WDFY3: variants seen among roughly 807,000 people sequenced by gnomAD.
WDFY3 encodes the protein WD repeat and FYVE domain-containing protein 3.
In WDFY3, 66 loss-of-function variants were observed where a neutral mutation model predicts 409.6. The observed-to-expected ratio is 0.16, with a 90% confidence interval of 0.13 to 0.20. The LOEUF is 0.20. Ranked by LOEUF, WDFY3 falls within the 10% of genes least tolerant of loss-of-function variation. The probability of loss-of-function intolerance (pLI) is 1.00; values close to 1 mark genes in which losing one functional copy is unlikely to be tolerated. For synonymous variants in WDFY3, 1,521 were observed against 1,537.1 expected (o/e 0.99, Z 0.25); for missense variants, 3,031 against 4,298.1 (o/e 0.71, Z 8.24).
intron 5 of WDFY3, among the ~76,000 whole-genome samples, chr4:84,849,035 C>T (rs939770525): frequency 3.9e-5 from 6 of 152,032 alleles, no homozygotes; most frequent in Admixed American, 1.3e-4. Context: ...CAGGGTATGT[C>T]TAAAACAACA....
intron 5 of WDFY3, among the ~76,000 whole-genome samples, chr4:84,848,829 T>C (rs772863804): frequency 2.0e-5 from 3 of 152,214 alleles, no homozygotes; most frequent in South Asian, 2.1e-4. Flanking sequence ...GTCGTAGATA[T>C]GTGTCTTCTT....
chr4:84,780,784 A>T (rs2149481651), intron 25 of WDFY3, among the ~76,000 whole-genome samples: 1 of 151,922 alleles, frequency 6.6e-6, no homozygotes, highest in South Asian at 2.1e-4. Flanking sequence ...TAAATAAATA[A>T]ATAAATAAAT....
intron 1 of WDFY3, among the ~76,000 whole-genome samples, chr4:84,937,709 T>A (rs866675736): frequency 1.6e-4 from 25 of 152,102 alleles, no homozygotes; most frequent in African/African-American, 2.4e-4. Context: ...GCCATTTTTT[T>A]AAAAAATGAC....
intron 30 of WDFY3, 128 bp from the exon 31 acceptor site, chr4:84,766,500 A>G: frequency 3.5e-6 from 3 of 861,238 alleles, no homozygotes; most frequent in South Asian, 2.0e-5. Context: ...ACTGCTTTTC[A>G]CCAACATGGA....
chr4:84,705,587 T>G (rs1039840575), intron 53 of WDFY3, 76 bp from the exon 54 acceptor site: 4 of 1,167,664 alleles, frequency 3.4e-6, no homozygotes, highest in South Asian at 2.6e-5. Flanking sequence ...CAGTGGCTGT[T>G]GTGGATGATG....
chr4:84,715,409 TA>T, intron 49 of WDFY3, 26 bp from the exon 50 acceptor site: 1 of 1,297,168 alleles, frequency 7.7e-7, no homozygotes, highest in Non-Finnish European at 1.1e-6. Context: ...AGAAAAACAT[TA>T]AGAAAAAACA....
At chr4:84,889,982 T>C (rs768754096) in intron 3 of WDFY3, among the ~76,000 whole-genome samples, 2 of 152,216 alleles carry the variant, frequency 1.3e-5, no homozygotes, top group Non-Finnish European at 2.9e-5. Flanking sequence ...CTTGCTCCTG[T>C]AATGGGCTTT....
At chr4:84,711,431 AG>A (rs1732870889) in intron 51 of WDFY3, among the ~76,000 whole-genome samples, 1 of 152,260 alleles carries the variant, frequency 6.6e-6, no homozygotes, top group Non-Finnish European at 1.5e-5. Flanking sequence ...AATAGGCAAA[AG>A]ATACGGACAA....
At chr4:84,794,070 G>C (rs1235272598) in intron 21 of WDFY3, among the ~76,000 whole-genome samples, 2 of 152,130 alleles carry the variant, frequency 1.3e-5, no homozygotes, top group African/African-American at 2.4e-5. Flanking sequence ...AGAAAACTAA[G>C]GAATTAGAAT....
At chr4:84,746,192 C>A (rs182310187) in intron 36 of WDFY3, among the ~76,000 whole-genome samples, 1 of 150,738 alleles carries the variant, frequency 6.6e-6, no homozygotes, top group Non-Finnish European at 1.5e-5. Flanking sequence ...TGGTGTGTGC[C>A]GGTAGTCATA....
Position 84,691,738 on chromosome 4 carries a change from G to A in WDFY3, c.9097C>T (p.Leu3033Phe). 1 of 1,614,056 alleles carries A rather than the reference G, an allele frequency of 6.2e-7. No homozygotes were observed. The highest frequency in any genetic ancestry group is 8.5e-7 in the Non-Finnish European group (1 of 1,179,964). The change falls in exon 60 of 68, where the codon CTT becomes TTT. Residue 3033 changes from leucine (L) to phenylalanine (F), a missense_variant. By Grantham distance (22) the Leu-to-Phe change is conservative. Coordinates refer to ENST00000295888, the MANE Select transcript of WDFY3 (RefSeq NM_014991.6). ...AGAACCTTATTCTGTTCCACCGCAA[G>A]AATACCTTTATCTGTACATACGATT... ...GQIVCTDKGI[L>F]AVEQNKVLIP...
At chr4:84,745,726 T>G (rs532143489) in intron 36 of WDFY3, among the ~76,000 whole-genome samples, 1 of 152,310 alleles carries the variant, frequency 6.6e-6, no homozygotes, top group Non-Finnish European at 1.5e-5. Context: ...GAACATCTCA[T>G]GTTTTTATCT....
chr4:84,739,239 C>T (rs1737989805), intron 39 of WDFY3, 120 bp from the exon 40 acceptor site: 1 of 959,420 alleles, frequency 1.0e-6, no homozygotes, highest in Admixed American at 2.4e-5. Context: ...AGCAGATGCA[C>T]AGAACAGAAT....
At chr4:84,876,904 C>T (rs957006156) in intron 3 of WDFY3, among the ~76,000 whole-genome samples, 1 of 152,162 alleles carries the variant, frequency 6.6e-6, no homozygotes, top group Non-Finnish European at 1.5e-5. Flanking sequence ...ATAAAAATTA[C>T]ATTAATCATT....
rs759953009 is a variant in WDFY3 at position 84,679,184 on chromosome 4, G to A, written c.9882C>T (p.Ser3294=). 6.2e-6 allele frequency: 10 copies of A among 1,606,748 alleles called. No individual in the cohort carries two copies. In the South Asian group the frequency reaches 1.1e-4, roughly 18 times the overall value. Residue 3294 remains serine (S), a synonymous_variant, in exon 65 of 68, where the codon AGC becomes AGT. Transcript: ENST00000295888. ...GGCTTGGAGTGTCCTTAGGGTCCTG[G>A]CTGATGCTCTGCTCATCTGCTTCTG... The part of the protein sequence containing the change: ...SDSEADEQSI[S]QDPKDTPSQP...
At chr4:84,919,596 T>G (rs1243156947) in intron 2 of WDFY3, among the ~76,000 whole-genome samples, 1 of 152,100 alleles carries the variant, frequency 6.6e-6, no homozygotes, top group Non-Finnish European at 1.5e-5. Context: ...ATAGGGGTGG[T>G]TACCTCCATG....
rs1193174658 is a variant in WDFY3 at position 84,789,794 on chromosome 4, T to C, written c.3601A>G (p.Ser1201Gly). 2 of 1,614,030 alleles carry C rather than the reference T, an allele frequency of 1.2e-6. No homozygotes were observed. The highest frequency in any genetic ancestry group is 1.6e-4 in the Middle Eastern group (1 of 6,062). ...GQWHHLVLVM[S>G]KGMLKNSTAA... ...GTACTGTTTTTCAACATGCCTTTGC[T>C]CATTACCAGGACCAAATGATGCCAC... is the stretch of plus-strand genomic sequence containing the variant. Residue 1201 changes from serine to glycine, a missense_variant, in exon 22 of 68, where the codon AGC (serine) becomes GGC (glycine). Physicochemically the swap from Ser to Gly is moderately conservative, Grantham distance 56. This residue lies in a region of WDFY3 where 1,322 missense variants were observed against 1,697.9 expected (regional missense o/e 0.78). Coordinates refer to ENST00000295888, the MANE Select transcript of WDFY3 (RefSeq NM_014991.6).
chr4:84,905,081 A>G (rs1766858876), intron 2 of WDFY3, among the ~76,000 whole-genome samples: 1 of 152,124 alleles, frequency 6.6e-6, no homozygotes, highest in Non-Finnish European at 1.5e-5. Context: ...CACACCTGTA[A>G]TCTCAGCACT....
chr4:84,698,942 C>T (rs1730607028), intron 56 of WDFY3, among the ~76,000 whole-genome samples: 1 of 152,202 alleles, frequency 6.6e-6, no homozygotes. Context: ...CCCACCTCAG[C>T]TTCCCAAAGT....
Sources: allele counts gnomAD v4.1 joint callset (sites outside exome capture counted in the v4.1 genomes callset), GRCh38; gene constraint gnomAD v4.1.1; regional missense constraint gnomAD v4.1.1; transcripts MANE v1.5; gene names NCBI Gene and HGNC (gene_info 2026-07-23, HGNC 2026-07-21).